Variants in DKK3 observed in about 807,000 individuals in gnomAD.
DKK3 encodes dickkopf Wnt signaling pathway inhibitor 3.
A neutral mutation model predicts 33.2 loss-of-function variants in DKK3; 22 were observed. The ratio of observed to expected loss-of-function variants is 0.66; its 90% CI spans 0.47 to 0.95. DKK3 has a LOEUF of 0.95. DKK3 is among the 40% of genes least tolerant of loss of function. The pLI, the probability that DKK3 is intolerant of heterozygous loss-of-function variation, is 0.00. For synonymous variants in DKK3, 194 were observed against 188.8 expected (o/e 1.03, Z -0.23); for missense variants, 398 against 458.4 (o/e 0.87, Z 1.20).
At chr11:11,995,823 C>A (rs1848281225) in intron 3 of DKK3, among the ~76,000 whole-genome samples, 1 of 152,232 alleles carries the variant, frequency 6.6e-6, no homozygotes, top group Admixed American at 6.5e-5. Flanking sequence ...ACCACATCCC[C>A]ATCAGCCGAT....
chr11:11,988,156 G>A (rs1452735974), intron 3 of DKK3, among the ~76,000 whole-genome samples: 3 of 152,236 alleles, frequency 2.0e-5, no homozygotes, highest in Non-Finnish European at 2.9e-5. Flanking sequence ...CCCCTAAAAC[G>A]TACCCAAATA....
At chr11:11,998,408 C>A in intron 3 of DKK3, 2 of 507,160 alleles carry the variant, frequency 3.9e-6, no homozygotes, top group Non-Finnish European at 7.0e-6. Context: ...TCCCAGTCAA[C>A]ATGTCTGGTA....
At chr11:12,008,642 G>A (rs1848594353), upstream of DKK3, 1 of 1,290,502 alleles carries the variant, frequency 7.7e-7, no homozygotes. The surrounding 1 kb of genome is among the most constrained non-coding windows in gnomAD (Gnocchi z 4.6). Flanking sequence ...GAGGCGCGCG[G>A]ACCACCCCCC....
At chr11:11,966,932 C>T (rs1437260240) in intron 5 of DKK3, 22 bp downstream of exon 5, 33 of 1,611,396 alleles carry the variant, frequency 2.0e-5, no homozygotes, top group Non-Finnish European at 2.8e-5. Flanking sequence ...GTTTTTCCTG[C>T]ATCTGAGGGG....
At chr11:12,008,672 G>A (rs1053965141), upstream of DKK3, 1,033 of 535,598 alleles carry the variant, frequency 1.9e-3, 8 homozygotes, top group Non-Finnish European at 1.0e-3. The surrounding 1 kb of genome is among the most constrained non-coding windows in gnomAD (Gnocchi z 4.6). Flanking sequence ...CCGCCGCCCC[G>A]CCCCGTTCCG....
upstream of DKK3, chr11:12,009,340 C>CCCCT (rs1848611248): frequency 1.2e-6 from 1 of 818,850 alleles, no homozygotes. Flanking sequence ...GCAAGACGCG[C>CCCCT]CCCGCCCGCC....
intron 3 of DKK3, among the ~76,000 whole-genome samples, chr11:11,987,618 G>T (rs1175297223): frequency 6.6e-6 from 1 of 152,244 alleles, no homozygotes; most frequent in Non-Finnish European, 1.5e-5. Flanking sequence ...GCCCGGAGGT[G>T]GGGTATGGCA....
intron 3 of DKK3, among the ~76,000 whole-genome samples, chr11:11,985,297 C>T (rs1848046676): frequency 6.6e-6 from 1 of 152,242 alleles, no homozygotes; most frequent in African/African-American, 2.4e-5. Flanking sequence ...AGCCAAGACT[C>T]AGACAAAAGG....
At chr11:11,966,768 A>T (rs1240085124) in intron 5 of DKK3, among the ~76,000 whole-genome samples, 186 bp downstream of exon 5, 1 of 152,106 alleles carries the variant, frequency 6.6e-6, no homozygotes, top group African/African-American at 2.4e-5. Flanking sequence ...CAGGGGAAAA[A>T]AAAGAGGTGG....
intron 1 of DKK3, among the ~76,000 whole-genome samples, chr11:12,004,125 T>C (rs1287624634): frequency 1.3e-5 from 2 of 152,190 alleles, no homozygotes. Flanking sequence ...AGCAACCTTA[T>C]GGGGAAGCTG....
intron 3 of DKK3, among the ~76,000 whole-genome samples, chr11:11,978,435 T>G (rs769593457): frequency 1.3e-5 from 2 of 151,440 alleles, no homozygotes; most frequent in African/African-American, 2.5e-5. Context: ...CCTCTTCTTC[T>G]TCCTCTTCCT....
intron 3 of DKK3, among the ~76,000 whole-genome samples, chr11:11,985,038 G>A (rs1230380322): frequency 6.6e-6 from 1 of 152,186 alleles, no homozygotes; most frequent in African/African-American, 2.4e-5. Flanking sequence ...TTGCTCACAA[G>A]AGGCCACGTC....
chr11:12,006,832 C>T (rs967396945), intron 1 of DKK3, among the ~76,000 whole-genome samples: 1 of 152,178 alleles, frequency 6.6e-6, no homozygotes, highest in Non-Finnish European at 1.5e-5. Context: ...ATAGAGGTGA[C>T]TTAGTCAGTC....
Position 11,963,079 on chromosome 11 carries a change from G to A in DKK3, c.*1385C>T, listed in dbSNP as rs1847493904. The A allele has an allele frequency of 6.6e-6, 1 of 152,550 alleles. No homozygotes were observed. Among genetic ancestry groups the A allele is most frequent in the East Asian group, 1.9e-4 (1 of 5,194 alleles). 9.4% of individuals were successfully genotyped at this position (152,550 alleles called of 1,614,324 possible). A position where few individuals can be genotyped will look rare whatever the true frequency, so the allele number is the denominator to read the frequency against. ...TTTTACATTTATTCAAAGTCAAAAG[G>A]GAAAAGAAATCCAAGAACTACAGAA... On this transcript the variant is annotated 3_prime_UTR_variant, in exon 7 of 7. Transcript: ENST00000683431.
chr11:12,009,392 C>T (rs920196248), upstream of DKK3: 105 of 973,468 alleles, frequency 1.1e-4, no homozygotes, highest in Non-Finnish European at 1.2e-4. Flanking sequence ...CCCCGCCCGC[C>T]CACCAGGCCC....
chr11:11,974,598 A>C (rs778050068), intron 3 of DKK3, among the ~76,000 whole-genome samples: 1 of 152,314 alleles, frequency 6.6e-6, no homozygotes, highest in Middle Eastern at 3.4e-3. Flanking sequence ...ATGACTGTGG[A>C]GCCCTCAGGA....
intron 3 of DKK3, among the ~76,000 whole-genome samples, chr11:11,988,964 C>A (rs1019938041): frequency 6.6e-6 from 1 of 152,200 alleles, no homozygotes; most frequent in African/African-American, 2.4e-5. Context: ...GAACGCACTG[C>A]CTTATCCAAG....
chr11:11,986,973 T>G (rs1475916229), intron 3 of DKK3, among the ~76,000 whole-genome samples: 1 of 152,226 alleles, frequency 6.6e-6, no homozygotes, highest in East Asian at 1.9e-4. Flanking sequence ...TTACAGCTCT[T>G]TACAGAATCT....
chr11:11,998,345 T>C, intron 3 of DKK3: 1 of 369,780 alleles, frequency 2.7e-6, no homozygotes, highest in South Asian at 3.0e-5. Flanking sequence ...GGGGTAGCCA[T>C]CCCAGAGGCT....
Sources: allele counts gnomAD v4.1 joint callset (sites outside exome capture counted in the v4.1 genomes callset), GRCh38; gene constraint gnomAD v4.1.1; non-coding constraint Gnocchi (gnomAD v3.1); transcripts MANE v1.5; gene names NCBI Gene and HGNC (gene_info 2026-07-23, HGNC 2026-07-21).